PDE4B: variants seen among roughly 807,000 people sequenced by gnomAD.
PDE4B encodes the protein phosphodiesterase 4B, also known as 3',5'-cyclic-AMP phosphodiesterase 4B.
Under a neutral mutation model 82.2 loss-of-function variants are expected in PDE4B, and 20 were observed. The observed-to-expected ratio is 0.24, with a 90% CI of 0.17 to 0.35. The LOEUF (loss-of-function observed/expected upper bound fraction) is 0.35. Ranked by LOEUF, PDE4B falls within the 10% of genes least tolerant of loss-of-function variation. The probability of loss-of-function intolerance (pLI) is 1.00; values close to 1 mark genes in which losing one functional copy is unlikely to be tolerated. For missense variants in PDE4B, 655 were observed against 907.2 expected (o/e 0.72, Z 3.57); for synonymous variants, 320 against 318.9 (o/e 1.00, Z -0.04).
intron 3 of PDE4B, among the ~76,000 whole-genome samples, chr1:66,043,112 A>G (rs866923857): frequency 6.6e-6 from 1 of 151,738 alleles, no homozygotes; most frequent in Non-Finnish European, 1.5e-5. Context: ...CCATGTGCCT[A>G]CTGTGTGTTA....
intron 1 of PDE4B, among the ~76,000 whole-genome samples, chr1:65,900,078 T>C (rs1226309411): frequency 6.6e-6 from 1 of 152,078 alleles, no homozygotes; most frequent in Non-Finnish European, 1.5e-5. Flanking sequence ...TCTTCTAGGA[T>C]TTTTATAGTT....
At chr1:65,931,042 A>G (rs1425147115) in intron 3 of PDE4B, among the ~76,000 whole-genome samples, 1 of 152,208 alleles carries the variant, frequency 6.6e-6, no homozygotes, top group Non-Finnish European at 1.5e-5. Flanking sequence ...TGAATGGCTT[A>G]GCACCATCCC....
chr1:66,155,168 T>G (rs983047103), intron 3 of PDE4B, among the ~76,000 whole-genome samples: 2 of 152,110 alleles, frequency 1.3e-5, no homozygotes, highest in African/African-American at 4.8e-5. Flanking sequence ...GGAGCTGAAA[T>G]CAAGATGGAA....
At chr1:66,254,571 C>T (rs761408496) in intron 4 of PDE4B, among the ~76,000 whole-genome samples, 1 of 152,108 alleles carries the variant, frequency 6.6e-6, no homozygotes, top group African/African-American at 2.4e-5. Flanking sequence ...TCTTCCTGCT[C>T]GATGTCTCCA....
At chr1:65,980,633 C>T (rs1370356175) in intron 3 of PDE4B, among the ~76,000 whole-genome samples, 2 of 152,068 alleles carry the variant, frequency 1.3e-5, no homozygotes, top group Non-Finnish European at 2.9e-5. Flanking sequence ...TTTTCCTTGG[C>T]TTCAGTGTGT....
At chr1:65,955,675 G>T (rs1042405775) in intron 3 of PDE4B, among the ~76,000 whole-genome samples, 3 of 152,074 alleles carry the variant, frequency 2.0e-5, no homozygotes, top group Non-Finnish European at 4.4e-5. Flanking sequence ...TTATCTAGCA[G>T]CTTACCTGTA....
chr1:66,214,255 T>C (rs371780303), intron 3 of PDE4B, among the ~76,000 whole-genome samples: 3 of 152,334 alleles, frequency 2.0e-5, no homozygotes, highest in African/African-American at 7.2e-5. Flanking sequence ...AGACTTTAAA[T>C]GAAGAAAAGC....
At chr1:65,941,296 A>G (rs376415666) in intron 3 of PDE4B, among the ~76,000 whole-genome samples, 1 of 152,066 alleles carries the variant, frequency 6.6e-6, no homozygotes, top group Non-Finnish European at 1.5e-5. Context: ...ATCCTGGGAC[A>G]GCTTCGCTCT....
At chr1:66,336,360 G>C (rs1660516765) in intron 8 of PDE4B, among the ~76,000 whole-genome samples, 2 of 152,136 alleles carry the variant, frequency 1.3e-5, no homozygotes, top group African/African-American at 4.8e-5. Context: ...TTCCCTCATT[G>C]TACTGAGAAA....
chr1:65,872,852 A>AGGAAAGAATATAGAGGTTATCATTT (rs1486952878), intron 1 of PDE4B, among the ~76,000 whole-genome samples: 3 of 152,210 alleles, frequency 2.0e-5, no homozygotes, highest in Non-Finnish European at 4.4e-5. Flanking sequence ...CTTCCATGTG[A>AGGAAAGAATATAGAGGTTATCATTT]GGAAAGAATA....
chr1:65,948,812 T>C (rs1648846988), intron 3 of PDE4B, among the ~76,000 whole-genome samples: 1 of 152,074 alleles, frequency 6.6e-6, no homozygotes, highest in Non-Finnish European at 1.5e-5. Flanking sequence ...GCAACATCTT[T>C]CTTGTTTTTC....
chr1:66,155,916 C>T (rs1432666324), intron 3 of PDE4B, among the ~76,000 whole-genome samples: 1 of 152,110 alleles, frequency 6.6e-6, no homozygotes, highest in Non-Finnish European at 1.5e-5. Flanking sequence ...TTATTTCTGA[C>T]CCCTGCCTGA....
chr1:66,136,230 G>A (rs1013685179), intron 3 of PDE4B, among the ~76,000 whole-genome samples: 2 of 152,154 alleles, frequency 1.3e-5, no homozygotes, highest in Non-Finnish European at 2.9e-5. Flanking sequence ...AGGTGCTATA[G>A]CATTTATCCT....
chr1:66,107,506 C>T (rs1027170061), intron 3 of PDE4B, among the ~76,000 whole-genome samples: 2 of 123,814 alleles, frequency 1.6e-5, no homozygotes, highest in African/African-American at 5.4e-5. Flanking sequence ...TAGGAAACAG[C>T]AAAACAAAAC....
intron 7 of PDE4B, among the ~76,000 whole-genome samples, chr1:66,298,818 C>T (rs2064707): frequency 0.04 from 6,024 of 152,216 alleles, 291 homozygotes; most frequent in East Asian, 0.25. Context: ...TTCCTCTGAG[C>T]TCATCACTGT....
chr1:66,370,539 C>A (rs1031798302), intron 16 of PDE4B, among the ~76,000 whole-genome samples: 3 of 152,100 alleles, frequency 2.0e-5, no homozygotes, highest in African/African-American at 4.8e-5. Context: ...TTCCTGTTGC[C>A]ATGACATCGT....
chr1:66,189,222 C>A (rs1450084957), intron 3 of PDE4B, among the ~76,000 whole-genome samples: 4 of 151,900 alleles, frequency 2.6e-5, no homozygotes, highest in South Asian at 2.1e-4. Flanking sequence ...CTGATGGTTT[C>A]CCTTTGTGGG....
chr1:66,118,528 A>C (rs998328117), intron 3 of PDE4B, among the ~76,000 whole-genome samples: 1 of 151,758 alleles, frequency 6.6e-6, no homozygotes, highest in Non-Finnish European at 1.5e-5. Context: ...CAATGAGAAC[A>C]CTTGGACACA....
At chr1:66,062,928 C>T (rs1226348793) in intron 3 of PDE4B, 1 of 152,034 alleles carries the variant, frequency 6.6e-6, no homozygotes, top group African/African-American at 2.4e-5. Context: ...TATGGATCCT[C>T]ATGTTCCAGA....
Sources: gnomAD v4.1 joint callset for allele counts (sites outside exome capture counted in the v4.1 genomes callset) on GRCh38, gnomAD v4.1.1 for gene constraint, MANE v1.5 for transcripts, NCBI Gene and HGNC (gene_info 2026-07-23, HGNC 2026-07-21) for gene names.